The following CHEK2 variants were observed in gnomAD, a reference collection of about 807,000 sequenced individuals.
CHEK2 encodes serine/threonine-protein kinase Chk2.
In CHEK2, 71 loss-of-function variants were observed where a neutral mutation model predicts 69.1. The observed-to-expected ratio is 1.03, with a 90% CI of 0.85 to 1.25. The LOEUF (loss-of-function observed/expected upper bound fraction) is 1.25. CHEK2 is among the 50% of genes most tolerant of loss of function. The pLI is 0.00. For synonymous variants in CHEK2, 189 were observed against 226.9 expected (o/e 0.83, Z 1.50); for missense variants, 664 against 649.6 (o/e 1.02, Z -0.24).
chr22:28,689,261 A>G, intron 13 of CHEK2, 46 bp from the exon 14 acceptor site: 2 of 1,250,894 alleles, frequency 1.6e-6, no homozygotes, highest in Non-Finnish European at 2.3e-6. Flanking sequence ...GAAGGATAAT[A>G]AACTCCTAGA....
In CHEK2 at chr22:28,730,001, G is replaced by A. The variant is rs569427684; in HGVS notation, c.319+4402C>T. 8.5e-4 allele frequency among the ~76,000 whole-genome samples: 128 copies of A among 150,988 alleles called. 1 individual carries two copies. The highest frequency in any genetic ancestry group is 2.8e-3 in the African/African-American group (116 of 41,148). On this transcript the variant is annotated intron_variant, in intron 2 of 14. Transcript: ENST00000404276. ...ACTACAGGCTCCTGCCACCACGCCC[G>A]GCTAATTTTGTTTTTGTATTTTTAG...
chr22:28,737,631 G>A lies in CHEK2; in HGVS notation c.-6-2904C>T, dbSNP rs557955406. On this transcript the variant is annotated intron_variant, in intron 1 of 14. Transcript: ENST00000404276. ...ATTACAGGCGCACACCACCATGCCC[G>A]GCTAATTTGTATATTTTTTTTAGTA... Among the ~76,000 whole-genome samples, 25 of 151,734 alleles carry A rather than the reference G, an allele frequency of 1.6e-4. No individual in the cohort carries two copies. In the East Asian group the frequency reaches 1.7e-3, roughly 11 times the overall value.
At chr22:28,693,104 A>T (rs2052428075) in intron 13 of CHEK2, among the ~76,000 whole-genome samples, 1 of 152,188 alleles carries the variant, frequency 6.6e-6, no homozygotes, top group South Asian at 2.1e-4. Flanking sequence ...CCAAAAAAAA[A>T]TTCATAGAAA....
chr22:28,712,094 G>GATTTTACAGACATTCCA, intron 5 of CHEK2, 77 bp from the exon 6 acceptor site: 1 of 1,020,454 alleles, frequency 9.8e-7, no homozygotes, highest in Non-Finnish European at 1.5e-6. Flanking sequence ...TCCACTTCAA[G>GATTTTACAGACATTCCA]TATTAGAATT....
intron 8 of CHEK2, among the ~76,000 whole-genome samples, chr22:28,702,537 CT>C (rs35377840): frequency 0.32 from 38,731 of 121,016 alleles, 6,479 homozygotes; most frequent in Middle Eastern, 0.43. Flanking sequence ...TGCGCCCGGC[CT>C]TTTTTTTTTT....
chr22:28,707,830 C>CTTTTTT (rs11453597), intron 7 of CHEK2, among the ~76,000 whole-genome samples: 55 of 102,458 alleles, frequency 5.4e-4, no homozygotes, highest in Non-Finnish European at 7.9e-4. Flanking sequence ...TTGTGTTTAT[C>CTTTTTT]TTTTTTTTTT....
At chr22:28,695,419 G>T (rs756997911) in intron 11 of CHEK2, among the ~76,000 whole-genome samples, 177 bp from the exon 12 acceptor site, 22 of 152,214 alleles carry the variant, frequency 1.4e-4, no homozygotes, top group Admixed American at 4.6e-4. Flanking sequence ...CACTTTGGGA[G>T]GCCGAGGCAG....
intron 5 of CHEK2, chr22:28,712,327 C>A (rs1055548981): frequency 5.1e-5 from 19 of 371,672 alleles, no homozygotes; most frequent in Non-Finnish European, 9.3e-5. Context: ...ACTACGTATC[C>A]GAGAGGTCAG....
intron 5 of CHEK2, among the ~76,000 whole-genome samples, chr22:28,715,309 C>T (rs2053551561): frequency 6.6e-6 from 1 of 152,192 alleles, no homozygotes; most frequent in South Asian, 2.1e-4. Flanking sequence ...TCAACCAGAC[C>T]ATCAGAACTC....
chr22:28,695,877 A>G lies in CHEK2; in HGVS notation c.1096-4T>C, dbSNP rs587782840. ...TGGAGTGCCCAAAATCAGTAATCTA[A>G]AATTCAGTACAAAAGGGAATAATGT... On this transcript the variant is annotated splice_region_variant and splice_polypyrimidine_tract_variant and intron_variant, in intron 10 of 14. Coordinates refer to ENST00000404276, the MANE Select transcript of CHEK2 (RefSeq NM_007194.4). The G allele has an allele frequency of 2.0e-5, 32 of 1,607,532 alleles. No homozygotes were observed. The highest frequency in any genetic ancestry group is 2.6e-5 in the Non-Finnish European group (30 of 1,174,082).
At chr22:28,730,456 C>T in intron 2 of CHEK2, 1 of 697,066 alleles carries the variant, frequency 1.4e-6, no homozygotes, top group Non-Finnish European at 2.6e-6. Flanking sequence ...TGCCTCACAC[C>T]TCTTATCCCA....
intron 2 of CHEK2, among the ~76,000 whole-genome samples, chr22:28,728,941 C>A (rs1569162979): frequency 6.6e-6 from 1 of 150,962 alleles, no homozygotes; most frequent in East Asian, 2.0e-4. Context: ...TAGTGGGTAA[C>A]ACTCCAGCGT....
chr22:28,689,924 G>A (rs1194823517), intron 13 of CHEK2, among the ~76,000 whole-genome samples: 6 of 152,164 alleles, frequency 3.9e-5, no homozygotes, highest in Non-Finnish European at 1.5e-5. Context: ...AACCCTGAGA[G>A]GTGGTCTGGT....
chr22:28,702,762 G>T (rs2052937265), intron 8 of CHEK2, among the ~76,000 whole-genome samples: 1 of 150,676 alleles, frequency 6.6e-6, no homozygotes, highest in Non-Finnish European at 1.5e-5. Flanking sequence ...GGCCAGGCTG[G>T]TCTCGAACTC....
chr22:28,689,420 C>T (rs1330304211), intron 13 of CHEK2: 6 of 574,384 alleles, frequency 1.0e-5, no homozygotes, highest in Non-Finnish European at 2.0e-5. Context: ...AATGCTCCAT[C>T]AATCCTGGCT....
intron 4 of CHEK2, among the ~76,000 whole-genome samples, chr22:28,722,497 G>A (rs185124820): frequency 1.5e-5 from 2 of 135,946 alleles, no homozygotes; most frequent in Non-Finnish European, 3.0e-5. Context: ...CCGAGATCAT[G>A]CCACTGCACT....
chr22:28,721,008 G>T (rs926551521), intron 4 of CHEK2, among the ~76,000 whole-genome samples: 2 of 152,260 alleles, frequency 1.3e-5, no homozygotes, highest in East Asian at 1.9e-4. Flanking sequence ...CAGATCCTCC[G>T]GTTGTGGGAC....
chr22:28,711,874 T>C (rs1005459542), intron 6 of CHEK2, 35 bp downstream of exon 6: 1 of 1,349,528 alleles, frequency 7.4e-7, no homozygotes, highest in Non-Finnish European at 1.1e-6. Flanking sequence ...GAAGACGTGT[T>C]AATAAAAGGT....
At chr22:28,722,585 T>C (rs1272000005) in intron 4 of CHEK2, among the ~76,000 whole-genome samples, 1 of 128,744 alleles carries the variant, frequency 7.8e-6, no homozygotes, top group Non-Finnish European at 1.7e-5. Context: ...GAAAACAAAA[T>C]AGTCAAAATA....
Sources: gnomAD v4.1 joint callset for allele counts (sites outside exome capture counted in the v4.1 genomes callset) on GRCh38, gnomAD v4.1.1 for gene constraint, MANE v1.5 for transcripts, NCBI Gene and HGNC (gene_info 2026-07-23, HGNC 2026-07-21) for gene names.